TBX18: variants seen among roughly 807,000 people sequenced by gnomAD.
TBX18 encodes T-box transcription factor TBX18.
Under a neutral mutation model 55.0 loss-of-function variants are expected in TBX18, and 21 were observed. The ratio of observed to expected loss-of-function variants is 0.38; its 90% CI spans 0.27 to 0.55. TBX18 has a LOEUF of 0.55. TBX18 is among the 20% of genes least tolerant of loss of function. TBX18 has a pLI of 0.73. For missense variants in TBX18, 840 were observed against 799.6 expected (o/e 1.05, Z -0.61); for synonymous variants, 342 against 326.1 (o/e 1.05, Z -0.53).
At chr6:84,759,091 T>C (rs1767575104) in intron 3 of TBX18, among the ~76,000 whole-genome samples, 1 of 152,172 alleles carries the variant, frequency 6.6e-6, no homozygotes, top group South Asian at 2.1e-4. Context: ...ATATGGGTTT[T>C]AAATCAAGTA....
Position 84,764,259 on chromosome 6 carries a change from C to G in TBX18, c.-78G>C. 3.6e-6 allele frequency: 5 copies of G among 1,372,796 alleles called. No individual in the cohort carries two copies. Among genetic ancestry groups the G allele is most frequent in the Non-Finnish European group, 4.7e-6 (5 of 1,070,220 alleles). The allele number at this position is 1,372,796 out of a possible 1,614,324, so 85.0% of individuals were successfully genotyped here. A position where few individuals can be genotyped will look rare whatever the true frequency, so the allele number is the denominator to read the frequency against. On this transcript the variant is annotated 5_prime_UTR_variant, in exon 1 of 8. Coordinates refer to ENST00000369663, the MANE Select transcript of TBX18 (RefSeq NM_001080508.3). Reference sequence around the variant, plus strand: ...CACGCGCGCTCTCGCTCTTCCCCCACCAAAAACTAAAAGGCTCTCGGGGCC... The same window carrying G: ...CACGCGCGCTCTCGCTCTTCCCCCAGCAAAAACTAAAAGGCTCTCGGGGCC...
chr6:84,761,408 C>T (rs1325201717), intron 2 of TBX18, among the ~76,000 whole-genome samples: 6 of 152,102 alleles, frequency 3.9e-5, no homozygotes, highest in Non-Finnish European at 1.5e-5. Flanking sequence ...TTCAGTGCAC[C>T]TGTAAGATAA....
chr6:84,753,598 T>C (rs1767409904), intron 4 of TBX18, among the ~76,000 whole-genome samples: 1 of 152,130 alleles, frequency 6.6e-6, no homozygotes, highest in African/African-American at 2.4e-5. Flanking sequence ...GGTAGAGGGG[T>C]AAGTTCCCAA....
intron 3 of TBX18, among the ~76,000 whole-genome samples, chr6:84,758,265 G>A (rs958874221): frequency 6.6e-6 from 1 of 151,840 alleles, no homozygotes; most frequent in Non-Finnish European, 1.5e-5. Flanking sequence ...AAAGTTAGCT[G>A]GGTGTGGTGG....
At position 84,746,344 on chromosome 6, in the gene TBX18, T is replaced by C. The variant is rs571529286; in HGVS notation, c.939+1576A>G. Among the ~76,000 whole-genome samples, 304 of 149,610 alleles carry C rather than the reference T, an allele frequency of 2.0e-3. 1 individual carries two copies. Among genetic ancestry groups the C allele is most frequent in the Non-Finnish European group, 4.0e-3 (269 of 67,482 alleles). ...TATTACTTTTTCTCCCAAAAAATCG[T>C]TTTCTGTCCCTAATATATTTTAATA... On this transcript the variant is annotated intron_variant, in intron 5 of 7. Transcript: ENST00000369663.
At chr6:84,760,162 A>G in intron 3 of TBX18, 93 bp downstream of exon 3, 1 of 712,760 alleles carries the variant, frequency 1.4e-6, no homozygotes, top group Non-Finnish European at 2.0e-6. Context: ...GACTTCTGGA[A>G]GCAAAGATCA....
chr6:84,762,856 A>G (rs1199054215), intron 1 of TBX18, 108 bp from the exon 2 acceptor site: 5 of 1,074,652 alleles, frequency 4.7e-6, no homozygotes, highest in Non-Finnish European at 5.5e-6. Flanking sequence ...GACCGGGAGA[A>G]AAGGGGAAGC....
At chr6:84,756,354 T>C (rs2127879426) in intron 4 of TBX18, among the ~76,000 whole-genome samples, 1 of 152,314 alleles carries the variant, frequency 6.6e-6, no homozygotes, top group South Asian at 2.1e-4. Context: ...CAATAAATCA[T>C]TATCCTTATT....
chr6:84,753,418 T>G, intron 4 of TBX18, among the ~76,000 whole-genome samples: 1 of 136,058 alleles, frequency 7.3e-6, no homozygotes, highest in African/African-American at 2.8e-5. Context: ...CTTGGCAGAG[T>G]AAAACTAGGA....
Position 84,756,799 on chromosome 6 carries a change from T to C in TBX18, c.670A>G (p.Ile224Val), listed in dbSNP as rs371050182. 1.2e-6 allele frequency: 2 copies of C among 1,614,126 alleles called. No individual in the cohort carries two copies. Among genetic ancestry groups the C allele is most frequent in the Non-Finnish European group, 1.7e-6 (2 of 1,180,026 alleles). Residue 224 changes from isoleucine to valine, a missense_variant, in exon 4 of 8, where the codon ATT (isoleucine) becomes GTT (valine). By Grantham distance (29) the Ile-to-Val change is conservative. Transcript: ENST00000369663. ...CCCGAGGCAGGCGAGTCTGGATGAA[T>C]GTACACACGGGGTGGCACAGGCGAG... The part of the protein sequence containing the change: ...ADSPVPPRVY[I>V]HPDSPASGET...
rs1562259087 is a variant in TBX18 at position 84,744,274 on chromosome 6, A to C, written c.991T>G (p.Ser331Ala). The change falls in exon 6 of 8, where the codon TCC (serine) becomes GCC (alanine). Residue 331 changes from serine to alanine, a missense_variant. By Grantham distance (99) the Ser-to-Ala change is moderately conservative. Coordinates refer to ENST00000369663, the MANE Select transcript of TBX18 (RefSeq NM_001080508.3). ...RNPFAKGFRDSGRNRMGLEAL... is the reference protein window; with the variant it reads ...RNPFAKGFRDAGRNRMGLEAL... ...ACTAAGGCCCACCTGTTGCGCCCGG[A>C]GTCTCGGAAGCCTTTAGCAAATGGA... 9 of 1,612,776 alleles carry C rather than the reference A, an allele frequency of 5.6e-6. No individual in the cohort carries two copies. Among genetic ancestry groups the C allele is most frequent in the Non-Finnish European group, 7.6e-6 (9 of 1,179,174 alleles).
Position 84,756,788 on chromosome 6 carries a change from G to A in TBX18, c.681C>T (p.Asp227=). Residue 227 remains aspartate, a synonymous_variant, in exon 4 of 8, where the codon GAC becomes GAT. Transcript: ENST00000369663. ...TCCAAGTCTCCCCCGAGGCAGGCGA[G>A]TCTGGATGAATGTACACACGGGGTG... ...PVPPRVYIHP[D]SPASGETWMR... is the part of the protein sequence containing the mutation. The A allele has an allele frequency of 6.2e-7, 1 of 1,614,106 alleles. No individual in the cohort carries two copies. Among genetic ancestry groups the A allele is most frequent in the Non-Finnish European group, 8.5e-7 (1 of 1,180,016 alleles).
At chr6:84,758,093 A>T (rs762199594) in intron 3 of TBX18, among the ~76,000 whole-genome samples, 5 of 152,094 alleles carry the variant, frequency 3.3e-5, no homozygotes, top group Non-Finnish European at 5.9e-5. Context: ...ACAATCATAA[A>T]ATTAGGGATA....
In TBX18 at chr6:84,733,579, C is replaced by T. The variant is rs1432054538; in HGVS notation, c.*3106G>A. On this transcript the variant is annotated 3_prime_UTR_variant, in exon 8 of 8. Coordinates refer to ENST00000369663, the MANE Select transcript of TBX18 (RefSeq NM_001080508.3). ...TTATGAAATGATTATTTTTAATGCT[C>T]TGCACCAGGACTTCATGGGACACTG... 6.6e-6 allele frequency: 1 copy of T among 152,186 alleles called. No homozygotes were observed. The highest frequency in any genetic ancestry group is 2.4e-5 in the African/African-American group (1 of 41,452). The allele number at this position is 152,186 out of a possible 1,614,324, so 9.4% of individuals were successfully genotyped here. A position where few individuals can be genotyped will look rare whatever the true frequency, so the allele number is the denominator to read the frequency against.
In TBX18 at chr6:84,733,075, C is replaced by T. The variant is rs1773846909; in HGVS notation, c.*3610G>A. ...TAGTCTCAAACTAAGTTCTCTAATT[C>T]CCGAGGACATGTTATTCTCATCATA... On this transcript the variant is annotated 3_prime_UTR_variant, in exon 8 of 8. Coordinates refer to ENST00000369663, the MANE Select transcript of TBX18 (RefSeq NM_001080508.3). The T allele has an allele frequency of 6.6e-6, 1 of 152,066 alleles. No individual in the cohort carries two copies. Among genetic ancestry groups the T allele is most frequent in the Admixed American group, 6.6e-5 (1 of 15,256 alleles). The allele number at this position is 152,066 out of a possible 1,614,324, so 9.4% of individuals were successfully genotyped here.
rs764540618 is a variant in TBX18, at chr6:84,736,943, T to A, written c.1566A>T (p.Arg522Ser). Residue 522 changes from arginine (R) to serine (S), a missense_variant, in exon 8 of 8, where the codon AGA becomes AGT. Coordinates refer to ENST00000369663, the MANE Select transcript of TBX18 (RefSeq NM_001080508.3). ...CATATAGTGCACAGGGGCTGTGTAA[T>A]CTAAAAGTATTATAGGAACCCTGAT... ...QTHQGSYNTFRLHSPCALYGY... is the reference protein window; with the variant it reads ...QTHQGSYNTFSLHSPCALYGY... 27 of 1,609,356 alleles carry A rather than the reference T, an allele frequency of 1.7e-5. No homozygotes were observed. In the South Asian group the frequency reaches 2.5e-4, roughly 15 times the overall value.
intron 3 of TBX18, among the ~76,000 whole-genome samples, chr6:84,757,724 C>T (rs1032109907): frequency 6.6e-6 from 1 of 151,674 alleles, no homozygotes; most frequent in Admixed American, 6.6e-5. Flanking sequence ...AACAATGCCT[C>T]AAGTAAGAAA....
intron 5 of TBX18, among the ~76,000 whole-genome samples, chr6:84,746,886 T>C (rs1767210395): frequency 6.6e-6 from 1 of 151,270 alleles, no homozygotes; most frequent in African/African-American, 2.4e-5. Context: ...AAATATATTA[T>C]CTATGGATCT....
intron 6 of TBX18, among the ~76,000 whole-genome samples, 192 bp downstream of exon 6, chr6:84,744,069 A>T (rs1197376807): frequency 1.3e-5 from 2 of 152,214 alleles, no homozygotes; most frequent in Non-Finnish European, 2.9e-5. Flanking sequence ...AGCAGCGCAC[A>T]TGAACATTCA....
Sources: allele counts gnomAD v4.1 joint callset (sites outside exome capture counted in the v4.1 genomes callset), GRCh38; gene constraint gnomAD v4.1.1; transcripts MANE v1.5; gene names NCBI Gene and HGNC (gene_info 2026-07-23, HGNC 2026-07-21).